The following UBE2Z variants were observed in gnomAD, a reference collection of about 807,000 sequenced individuals.
UBE2Z encodes ubiquitin conjugating enzyme E2 Z.
Under a neutral mutation model 32.6 loss-of-function variants are expected in UBE2Z, and 10 were observed. The ratio of observed to expected loss-of-function variants is 0.31; its 90% CI spans 0.19 to 0.52. UBE2Z has a LOEUF of 0.52. UBE2Z is among the 20% of genes least tolerant of loss of function. UBE2Z has a pLI of 0.97. For synonymous variants in UBE2Z, 183 were observed against 190.8 expected (o/e 0.96, Z 0.34); for missense variants, 343 against 480.9 (o/e 0.71, Z 2.68).
At chr17:48,923,591 C>T (rs1386920291) in intron 6 of UBE2Z, among the ~76,000 whole-genome samples, 2 of 151,030 alleles carry the variant, frequency 1.3e-5, no homozygotes, top group African/African-American at 4.9e-5. Flanking sequence ...GAGTGCACTC[C>T]AGTCTGGGCA....
At position 48,927,219 on chromosome 17, in the gene UBE2Z, A is replaced by T. The variant is rs974090766; in HGVS notation, c.*85A>T. The T allele has an allele frequency of 2.9e-6, 4 of 1,385,858 alleles. No homozygotes were observed. The South Asian group carries it at 5.2e-5, about 18-fold the overall frequency. The allele number at this position is 1,385,858 out of a possible 1,614,324, so 85.8% of individuals were successfully genotyped here. ...CCCCAGGGATGGAGAGGCACTGTGT[A>T]TCTCCCTCCAGACTCGAAGTCATCC... is the stretch of plus-strand genomic sequence containing the variant. On this transcript the variant is annotated 3_prime_UTR_variant, in exon 7 of 7. Transcript: ENST00000360943.
intron 1 of UBE2Z, 82 bp downstream of exon 1, chr17:48,908,902 AC>A (rs1161178805): frequency 7.6e-6 from 6 of 786,644 alleles, no homozygotes; most frequent in Non-Finnish European, 9.3e-6. Flanking sequence ...ACTACAACTC[AC>A]CCCCCACCCA....
chr17:48,911,072 A>AGT, intron 2 of UBE2Z, 192 bp downstream of exon 2: 1 of 597,974 alleles, frequency 1.7e-6, no homozygotes, highest in South Asian at 1.9e-5. Context: ...GTCTGTTATT[A>AGT]GTGTACCCCA....
In UBE2Z at chr17:48,927,322, G is replaced by A. The variant is rs547853159; in HGVS notation, c.*188G>A. 9.8e-6 allele frequency: 6 copies of A among 610,970 alleles called. No homozygotes were observed. The highest frequency in any genetic ancestry group is 9.2e-5 in the African/African-American group (5 of 54,242). The allele number at this position is 610,970 out of a possible 1,614,324, so 37.8% of individuals were successfully genotyped here. A position where few individuals can be genotyped will look rare whatever the true frequency, so the allele number is the denominator to read the frequency against. On this transcript the variant is annotated 3_prime_UTR_variant, in exon 7 of 7. Coordinates refer to ENST00000360943, the MANE Select transcript of UBE2Z (RefSeq NM_023079.5). ...GCCTGTTCCCGGTCTGACCTCCTTGGCACTGGAGCATCTGGGGCTTCGTTC... is the reference window on the plus strand; with the variant it reads ...GCCTGTTCCCGGTCTGACCTCCTTGACACTGGAGCATCTGGGGCTTCGTTC...
chr17:48,925,572 AGTTT>A (rs1377574329), intron 6 of UBE2Z, among the ~76,000 whole-genome samples: 2 of 152,184 alleles, frequency 1.3e-5, no homozygotes, highest in Admixed American at 1.3e-4. Flanking sequence ...CATATGTCCT[AGTTT>A]GTTCCCCATC....
Position 48,916,112 on chromosome 17 carries a change from C to T in UBE2Z, c.615C>T (p.Ser205=), listed in dbSNP as rs2143764927. 1.3e-6 allele frequency: 2 copies of T among 1,590,218 alleles called. No homozygotes were observed. The highest frequency in any genetic ancestry group is 4.6e-5 in the East Asian group (2 of 43,108). Reference sequence around the variant, plus strand: ...GACCTGCCTGGAGCCCAGCCCAGAGCATCTCCTCAGTGCTCATCTCTATCC... The same window carrying T: ...GACCTGCCTGGAGCCCAGCCCAGAGTATCTCCTCAGTGCTCATCTCTATCC... The part of the protein sequence containing the change: ...WTGPAWSPAQ[S]ISSVLISIQS... Residue 205 remains serine, a synonymous_variant, in exon 4 of 7, where the codon AGC becomes AGT. Transcript: ENST00000360943.
At chr17:48,910,683 C>T (rs532242029) in intron 1 of UBE2Z, 125 bp from the exon 2 acceptor site, 1 of 758,256 alleles carries the variant, frequency 1.3e-6, no homozygotes, top group Admixed American at 1.9e-5. Flanking sequence ...CAAACACTTG[C>T]GGTACCAAGC....
chr17:48,909,295 G>A (rs577308266), intron 1 of UBE2Z, among the ~76,000 whole-genome samples: 219 of 148,664 alleles, frequency 1.5e-3, no homozygotes, highest in Admixed American at 1.7e-3. Flanking sequence ...AGCTTCCTTT[G>A]CCATGCCTCT....
intron 4 of UBE2Z, among the ~76,000 whole-genome samples, chr17:48,916,661 AAAAG>A (rs2040722673): frequency 6.6e-6 from 1 of 151,816 alleles, no homozygotes. Context: ...TATAGGGAAA[AAAAG>A]GGAATTGACA....
In UBE2Z at chr17:48,922,909, G is replaced by A. The variant is rs759919336; in HGVS notation, c.866G>A (p.Arg289His). Residue 289 changes from arginine to histidine, a missense_variant, in exon 6 of 7, where the codon CGC becomes CAC. Coordinates refer to ENST00000360943, the MANE Select transcript of UBE2Z (RefSeq NM_023079.5). ...TTCTACGAGGTGGCCTGCAAAGATC[G>A]CCTGCACCTTCAAGGCCAAACTATG... is the stretch of plus-strand genomic sequence containing the variant. ...YDFYEVACKD[R>H]LHLQGQTMQD... The A allele has an allele frequency of 1.4e-5, 23 of 1,612,416 alleles. No individual in the cohort carries two copies. The highest frequency in any genetic ancestry group is 1.8e-5 in the Non-Finnish European group (21 of 1,179,162).
intron 5 of UBE2Z, among the ~76,000 whole-genome samples, chr17:48,922,381 A>G (rs1166145373): frequency 2.0e-5 from 3 of 151,998 alleles, no homozygotes; most frequent in Non-Finnish European, 2.9e-5. Context: ...AGCGAGACTC[A>G]GTCTCAAAAA....
intron 1 of UBE2Z, 137 bp from the exon 2 acceptor site, chr17:48,910,671 T>G (rs543647969): frequency 1.4e-6 from 1 of 722,570 alleles, no homozygotes; most frequent in East Asian, 2.5e-5. Flanking sequence ...AACAAGACAG[T>G]ACAAACACTT....
chr17:48,921,052 T>C (rs1256188828), intron 4 of UBE2Z, 108 bp from the exon 5 acceptor site: 7 of 836,312 alleles, frequency 8.4e-6, no homozygotes, highest in Non-Finnish European at 1.3e-5. Flanking sequence ...AGGTATCTTT[T>C]TAGTTTGTGT....
intron 4 of UBE2Z, 63 bp downstream of exon 4, chr17:48,916,250 G>GTTTTTTTTTTT (rs1234372680): frequency 3.8e-4 from 196 of 517,644 alleles, no homozygotes; most frequent in Middle Eastern, 5.0e-4. Flanking sequence ...TGGTTGGTTG[G>GTTTTTTTTTTT]TTTTTTTGTT....
At chr17:48,917,415 T>C (rs982412637) in intron 4 of UBE2Z, among the ~76,000 whole-genome samples, 1 of 152,228 alleles carries the variant, frequency 6.6e-6, no homozygotes, top group African/African-American at 2.4e-5. Flanking sequence ...AAATTAATTC[T>C]GACCTGCTTT....
At chr17:48,920,680 A>G (rs1049995224) in intron 4 of UBE2Z, among the ~76,000 whole-genome samples, 9 of 152,088 alleles carry the variant, frequency 5.9e-5, no homozygotes, top group African/African-American at 2.2e-4. Context: ...CCTGGGCAAC[A>G]GCAAAGACCC....
intron 1 of UBE2Z, 26 bp downstream of exon 1, chr17:48,908,846 G>A (rs1251107453): frequency 1.4e-6 from 2 of 1,463,894 alleles, no homozygotes; most frequent in Non-Finnish European, 1.8e-6. Context: ...TCCTCCCCCA[G>A]CCCCGAGCTC....
In UBE2Z at chr17:48,914,648, G is replaced by T. The variant is rs2040706909; in HGVS notation, c.579-1428G>T. 2.0e-5 allele frequency among the ~76,000 whole-genome samples: 3 copies of T among 152,242 alleles called. No homozygotes were observed. In the South Asian group the frequency reaches 6.2e-4, roughly 32 times the overall value. On this transcript the variant is annotated intron_variant, in intron 3 of 6. Transcript: ENST00000360943. ...CTTTTGAGATACCAGCCACAGGACA[G>T]TGGGGTAAAAGTAGTAGAAGTGTGT... is the stretch of plus-strand genomic sequence containing the variant.
rs2040807664 is a variant in UBE2Z, at chr17:48,927,824, G to A, written c.*690G>A. ...TTTCCTCACCCTTTTCTAGATGTAA[G>A]ACAGAAAGTAAATGTGACTGGGACT... On this transcript the variant is annotated 3_prime_UTR_variant, in exon 7 of 7. Transcript: ENST00000360943. 6.6e-6 allele frequency: 1 copy of A among 152,636 alleles called. No homozygotes were observed. Among genetic ancestry groups the A allele is most frequent in the Non-Finnish European group, 1.5e-5 (1 of 68,088 alleles). The allele number at this position is 152,636 out of a possible 1,614,324, so 9.5% of individuals were successfully genotyped here.
Sources: allele counts gnomAD v4.1 joint callset (sites outside exome capture counted in the v4.1 genomes callset), GRCh38; gene constraint gnomAD v4.1.1; transcripts MANE v1.5; gene names NCBI Gene and HGNC (gene_info 2026-07-23, HGNC 2026-07-21).